The following C1QBP variants were observed in gnomAD, a reference collection of about 807,000 sequenced individuals.
The protein encoded by C1QBP is complement component 1 Q subcomponent-binding protein, mitochondrial.
C1QBP carries 24 observed loss-of-function variants against 29.4 expected under a neutral mutation model. That is an observed-to-expected ratio of 0.82 (90% CI 0.59 to 1.15). The LOEUF is 1.15. Among genes scored for constraint, C1QBP ranks in the 50% most tolerant of loss-of-function variants. The probability of loss-of-function intolerance (pLI) is 0.00; values close to 1 mark genes in which losing one functional copy is unlikely to be tolerated. For synonymous variants in C1QBP, 182 were observed against 149.2 expected, an observed-to-expected ratio of 1.22 and a Z score of -1.60; for missense variants, 337 against 355.8, an observed-to-expected ratio of 0.95 and a Z score of 0.43.
rs756208365 is a variant in C1QBP, at chr17:5,438,960, C to T, written c.114G>A (p.Leu38=). 1.3e-4 allele frequency: 198 copies of T among 1,505,934 alleles called. No homozygotes were observed. Among genetic ancestry groups the T allele is most frequent in the Admixed American group, 8.5e-4 (38 of 44,696 alleles). 93.3% of individuals were successfully genotyped at this position (1,505,934 alleles called of 1,614,324 possible). Reference sequence around the variant, plus strand: ...TGAGCAGCCCGAAGGGCCGGGTGCACAGCCGGGGTGCCGGCTGCAGGAGCT... The same window carrying T: ...TGAGCAGCCCGAAGGGCCGGGTGCATAGCCGGGGTGCCGGCTGCAGGAGCT... ...FRQLLQPAPR[L]CTRPFGLLSV... The change falls in exon 1 of 6, where the codon CTG becomes CTA. Residue 38 remains leucine, a synonymous_variant. Coordinates refer to ENST00000225698, the MANE Select transcript of C1QBP (RefSeq NM_001212.4).
chr17:5,433,418 G>C lies in C1QBP; in HGVS notation c.577-3C>G, dbSNP rs763685606. 1.5e-5 allele frequency: 25 copies of C among 1,613,310 alleles called. No individual in the cohort carries two copies. Among genetic ancestry groups the C allele is most frequent in the Non-Finnish European group, 2.1e-5 (25 of 1,179,510 alleles). ...TCAGCCTCGTCTTCTTGTCCAACCTGAGAAGAAACAATATTGGGAAACTGA... is the reference window on the plus strand; with the variant it reads ...TCAGCCTCGTCTTCTTGTCCAACCTCAGAAGAAACAATATTGGGAAACTGA... On this transcript the variant is annotated splice_region_variant and splice_polypyrimidine_tract_variant and intron_variant, in intron 4 of 5. Coordinates refer to ENST00000225698, the MANE Select transcript of C1QBP (RefSeq NM_001212.4).
chr17:5,435,874 CAAAA>C (rs200057698), intron 2 of C1QBP, among the ~76,000 whole-genome samples: 8,325 of 105,638 alleles, frequency 0.079, 403 homozygotes, highest in African/African-American at 0.15. Context: ...CTAAAAAATA[CAAAA>C]AAAAAAAAAA....
Position 5,433,165 on chromosome 17 carries a change from C to T in C1QBP, c.700-1G>A, listed in dbSNP as rs530106461. 6.2e-7 allele frequency: 1 copy of T among 1,610,892 alleles called. No homozygotes were observed. The highest frequency in any genetic ancestry group is 1.1e-5 in the South Asian group (1 of 90,334). On this transcript the variant is annotated splice_acceptor_variant, in intron 5 of 5. Transcript: ENST00000225698. LOFTEE classifies it high-confidence loss of function. ...AATCCATTAGGTGGTCATATAAGGC[C>T]TGCAAAGAACAATATTTACTAGTTA...
intron 1 of C1QBP, chr17:5,438,478 A>G: frequency 1.4e-6 from 1 of 738,774 alleles, no homozygotes; most frequent in Non-Finnish European, 2.1e-6. Context: ...GATTTCCAAC[A>G]ATGAACGCAT....
chr17:5,433,179 AT>A lies in C1QBP; in HGVS notation c.700-16del, dbSNP rs1916146083. The stretch of plus-strand genomic sequence containing the variant: ...TCATATAAGGCCTGCAAAGAACAAT[AT>A]TTACTAGTTAAAAAAAAATCTGTAA... On this transcript the variant is annotated splice_polypyrimidine_tract_variant and intron_variant, in intron 5 of 5. Coordinates refer to ENST00000225698, the MANE Select transcript of C1QBP (RefSeq NM_001212.4). The A allele has an allele frequency of 5.0e-6, 8 of 1,608,960 alleles. No individual in the cohort carries two copies. The highest frequency in any genetic ancestry group is 5.9e-6 in the Non-Finnish European group (7 of 1,178,292).
chr17:5,437,012 G>A (rs529394402), intron 2 of C1QBP, among the ~76,000 whole-genome samples: 1 of 152,088 alleles, frequency 6.6e-6, no homozygotes, highest in Non-Finnish European at 1.5e-5. Flanking sequence ...GTGGGGTTGG[G>A]GGGGGAAGCT....
intron 2 of C1QBP, among the ~76,000 whole-genome samples, chr17:5,435,463 G>C (rs980406): frequency 0.26 from 39,346 of 152,008 alleles, 6,387 homozygotes; most frequent in East Asian, 0.77. Flanking sequence ...GCGATGGAGG[G>C]TGCCTCTGCT....
chr17:5,433,458 C>T (rs769979106), intron 4 of C1QBP, 43 bp from the exon 5 acceptor site: 2 of 1,613,290 alleles, frequency 1.2e-6, no homozygotes, highest in Admixed American at 1.7e-5. Context: ...TTCTCCAGGA[C>T]AAGCTAGACT....
intron 5 of C1QBP, 22 bp downstream of exon 5, chr17:5,433,271 C>T (rs1259857538): frequency 1.9e-6 from 3 of 1,614,054 alleles, no homozygotes; most frequent in Non-Finnish European, 2.5e-6. Flanking sequence ...CAAAAGGTTC[C>T]CCCACCTTAT....
rs1184459538 is a variant in C1QBP at position 5,438,846 on chromosome 17, G to A, written c.228C>T (p.Thr76=). 2 of 1,546,694 alleles carry A rather than the reference G, an allele frequency of 1.3e-6. No individual in the cohort carries two copies. Among genetic ancestry groups the A allele is most frequent in the Non-Finnish European group, 1.7e-6 (2 of 1,145,936 alleles). The change falls in exon 1 of 6, where the codon ACC becomes ACT. Residue 76 remains threonine, a synonymous_variant. Transcript: ENST00000225698. ...CCCCGGCCCGCTAAACCTCACCGTC[G>A]GTGTGCAGCGAGCCGCAGCCACAGC... ...ACGCGCGSLH[T]DGDKAFVDFL...
At chr17:5,433,218 T>C (rs1916149112) in intron 5 of C1QBP, 54 bp from the exon 6 acceptor site, 11 of 1,609,426 alleles carry the variant, frequency 6.8e-6, no homozygotes, top group Non-Finnish European at 9.3e-6. Flanking sequence ...AACATTAAAA[T>C]GCTTTTTTCT....
chr17:5,434,008 G>A (rs1916185839), intron 3 of C1QBP: 1 of 552,520 alleles, frequency 1.8e-6, no homozygotes, highest in African/African-American at 1.9e-5. Flanking sequence ...TCAGCTATGT[G>A]CCAATTAACT....
intron 1 of C1QBP, chr17:5,438,525 C>A (rs1805436): frequency 0.062 from 43,138 of 692,752 alleles, 1,546 homozygotes; most frequent in Middle Eastern, 0.11. Flanking sequence ...AATTTCCAAT[C>A]CTCTTCCACT....
At chr17:5,433,895 T>G in intron 3 of C1QBP, 128 bp from the exon 4 acceptor site, 1 of 797,466 alleles carries the variant, frequency 1.3e-6, no homozygotes, top group South Asian at 1.6e-5. Flanking sequence ...AATAGTCTTA[T>G]GCCATACTAT....
At chr17:5,437,353 T>C (rs1364535549) in intron 2 of C1QBP, among the ~76,000 whole-genome samples, 1 of 152,230 alleles carries the variant, frequency 6.6e-6, no homozygotes, top group Non-Finnish European at 1.5e-5. Context: ...TTATTTATTA[T>C]TGAGATGGCG....
chr17:5,438,570 G>C, intron 1 of C1QBP: 3 of 736,930 alleles, frequency 4.1e-6, no homozygotes, highest in Non-Finnish European at 6.3e-6. Flanking sequence ...TTTCAACCAC[G>C]ACCATGGGCC....
intron 3 of C1QBP, 78 bp downstream of exon 3, chr17:5,434,795 A>G: frequency 1.5e-6 from 2 of 1,367,510 alleles, no homozygotes; most frequent in Non-Finnish European, 2.0e-6. Context: ...TGAAAGACCA[A>G]AGAAAAACGC....
chr17:5,438,003 C>G (rs1916320610), intron 2 of C1QBP, 120 bp downstream of exon 2: 4 of 1,350,834 alleles, frequency 3.0e-6, no homozygotes, highest in Non-Finnish European at 4.0e-6. Flanking sequence ...CCTTCACTCT[C>G]TTGAAACCCA....
chr17:5,437,037 T>C (rs1430800116), intron 2 of C1QBP, among the ~76,000 whole-genome samples: 1 of 143,072 alleles, frequency 7.0e-6, no homozygotes, highest in Non-Finnish European at 1.5e-5. Flanking sequence ...ATTGTATGAC[T>C]CCATTTATAT....
Sources: gnomAD v4.1 joint callset for allele counts (sites outside exome capture counted in the v4.1 genomes callset) on GRCh38, gnomAD v4.1.1 for gene constraint, MANE v1.5 for transcripts, NCBI Gene and HGNC (gene_info 2026-07-23, HGNC 2026-07-21) for gene names.